Variants in PAK3 observed in about 807,000 individuals in gnomAD.
The protein encoded by PAK3 is p21 (RAC1) activated kinase 3, also known as serine/threonine-protein kinase PAK 3.
PAK3 carries 4 observed loss-of-function variants against 41.0 expected under a neutral mutation model. That is an observed-to-expected ratio of 0.10 (90% CI 0.05 to 0.22). PAK3 has a LOEUF of 0.22. Ranked by LOEUF, PAK3 falls within the 10% of genes least tolerant of loss-of-function variation. The pLI is 1.00. For missense variants in PAK3, 205 were observed against 409.9 expected (o/e 0.50, Z 4.32); for synonymous variants, 146 against 139.6 (o/e 1.05, Z -0.32).
At chrX:111,189,333 C>T (rs1273014872) in intron 11 of PAK3, among the ~76,000 whole-genome samples, 1 of 111,492 alleles carries the variant, frequency 9.0e-6, no homozygotes, top group Non-Finnish European at 1.9e-5. Context: ...ATTCATGGGC[C>T]CATAGGTTTT....
intron 5 of PAK3, among the ~76,000 whole-genome samples, chrX:111,133,907 T>C (rs1603285817): frequency 8.9e-6 from 1 of 112,081 alleles, no homozygotes; most frequent in Non-Finnish European, 1.9e-5. Context: ...GGAAAGCATT[T>C]CCCTATGTCT....
At chrX:111,013,146 A>T (rs2092036790) in intron 1 of PAK3, among the ~76,000 whole-genome samples, 1 of 112,248 alleles carries the variant, frequency 8.9e-6, no homozygotes, top group Non-Finnish European at 1.9e-5. Context: ...AAATATCTGT[A>T]TCAAGATACT....
At chrX:111,143,253 TATATG>T in intron 6 of PAK3, among the ~76,000 whole-genome samples, 1 of 111,488 alleles carries the variant, frequency 9.0e-6, no homozygotes, top group East Asian at 2.8e-4. Context: ...TAGACTGTGT[TATATG>T]ATTAAGCGGA....
intron 1 of PAK3, among the ~76,000 whole-genome samples, chrX:111,017,364 A>G (rs1260721781): frequency 1.8e-5 from 2 of 112,238 alleles, no homozygotes; most frequent in Non-Finnish European, 3.8e-5. Flanking sequence ...GACTAAGCAA[A>G]AAAAAGAGAA....
At chrX:111,070,596 A>G (rs2148822613) in intron 1 of PAK3, among the ~76,000 whole-genome samples, 1 of 112,019 alleles carries the variant, frequency 8.9e-6, no homozygotes, top group Non-Finnish European at 1.9e-5. Flanking sequence ...TCATCATTAT[A>G]CTTCATGAAT....
intron 1 of PAK3, among the ~76,000 whole-genome samples, chrX:111,068,600 C>A (rs953847283): frequency 8.9e-6 from 1 of 112,911 alleles, no homozygotes; most frequent in African/African-American, 3.2e-5. Context: ...CTGTGCCCGA[C>A]CCATGGGTCT....
At chrX:111,012,682 G>A (rs1199354469) in intron 1 of PAK3, among the ~76,000 whole-genome samples, 1 of 112,517 alleles carries the variant, frequency 8.9e-6, no homozygotes, top group Non-Finnish European at 1.9e-5. Flanking sequence ...CAAAAGTATT[G>A]CTGAATAGTG....
At chrX:111,022,652 A>C (rs1256010071) in intron 1 of PAK3, among the ~76,000 whole-genome samples, 1 of 111,698 alleles carries the variant, frequency 9.0e-6, no homozygotes, top group African/African-American at 3.3e-5. Context: ...TTCAGGCAAC[A>C]AATAACACAA....
intron 1 of PAK3, among the ~76,000 whole-genome samples, chrX:110,990,589 T>C (rs2091624859): frequency 1.8e-5 from 2 of 109,664 alleles, no homozygotes; most frequent in Admixed American, 1.9e-4. Flanking sequence ...TGGAGGGAGT[T>C]GCATTTAAAC....
At chrX:111,211,455 A>T (rs1292826381) in intron 16 of PAK3, among the ~76,000 whole-genome samples, 1 of 110,382 alleles carries the variant, frequency 9.1e-6, no homozygotes, top group Non-Finnish European at 1.9e-5. Context: ...AGGCAGGTGG[A>T]TCATGAGGTC....
chrX:111,174,562 A>G (rs1301937522), intron 11 of PAK3, among the ~76,000 whole-genome samples: 1 of 111,962 alleles, frequency 8.9e-6, no homozygotes, highest in Non-Finnish European at 1.9e-5. Flanking sequence ...CATTGTTCTA[A>G]AACAGTGATA....
chrX:111,226,879 T>C lies in PAK3; in HGVS notation c.*6432T>C, dbSNP rs2094955722. The C allele has an allele frequency of 8.9e-6, 1 of 112,280 alleles. No homozygotes were observed. The highest frequency in any genetic ancestry group is 9.5e-5 in the Admixed American group (1 of 10,573). The allele number at this position is 112,280 out of a possible 1,213,427, so 9.3% of individuals were successfully genotyped here. A position where few individuals can be genotyped will look rare whatever the true frequency, so the allele number is the denominator to read the frequency against. On this transcript the variant is annotated 3_prime_UTR_variant, in exon 18 of 18. Transcript: ENST00000372007. ...ACAGAATCCTGTAGCTACTAATGCATTGAGTTTTTAATCTCAGTACATCAG... is the reference window on the plus strand; with the variant it reads ...ACAGAATCCTGTAGCTACTAATGCACTGAGTTTTTAATCTCAGTACATCAG...
intron 8 of PAK3, among the ~76,000 whole-genome samples, chrX:111,157,372 T>G (rs1214568972): frequency 2.7e-5 from 3 of 111,677 alleles, no homozygotes; most frequent in African/African-American, 9.8e-5. Flanking sequence ...GTTCAGAACT[T>G]GGAGTTCATG....
At chrX:111,187,970 T>TAC (rs1218024338) in intron 11 of PAK3, among the ~76,000 whole-genome samples, 7 of 90,162 alleles carry the variant, frequency 7.8e-5, no homozygotes, top group Admixed American at 1.3e-4. Flanking sequence ...TATATATATA[T>TAC]ACACACATTA....
intron 1 of PAK3, among the ~76,000 whole-genome samples, chrX:111,050,677 G>A (rs746902504): frequency 1.4e-4 from 16 of 112,009 alleles, no homozygotes; most frequent in Admixed American, 1.9e-4. Flanking sequence ...GCTGTTGGCA[G>A]CAATCTCAGA....
Position 111,221,916 on chromosome X carries a change from G to A in PAK3, c.*1469G>A, listed in dbSNP as rs373439214. 1.8e-5 allele frequency: 2 copies of A among 111,881 alleles called. No homozygotes were observed. Among genetic ancestry groups the A allele is most frequent in the African/African-American group, 6.5e-5 (2 of 30,878 alleles). The allele number at this position is 111,881 out of a possible 1,213,427, so 9.2% of individuals were successfully genotyped here. The stretch of plus-strand genomic sequence containing the variant: ...GACAGAATTCCTTATATGACTTGGG[G>A]AAAATAACAAAATTTGACTACTATT... On this transcript the variant is annotated 3_prime_UTR_variant, in exon 18 of 18. Transcript: ENST00000372007.
In PAK3 at chrX:111,015,226, C is replaced by T. The variant is rs962081074; in HGVS notation, c.-28+70598C>T. On this transcript the variant is annotated intron_variant, in intron 1 of 14. Coordinates refer to the PAK3 transcript ENST00000425146. ...CTTCTTTTTTGTGACTGGCTTCTTT[C>T]ATTTATCATAATGTCCTCCAGGTTG... Among the ~76,000 whole-genome samples, 4 of 110,381 alleles carry T rather than the reference C, an allele frequency of 3.6e-5. No individual in the cohort carries two copies. In the South Asian group the frequency reaches 1.2e-3, roughly 32 times the overall value.
intron 1 of PAK3, among the ~76,000 whole-genome samples, chrX:111,078,250 GTTTTT>G (rs903606212): frequency 9.7e-6 from 1 of 102,702 alleles, no homozygotes; most frequent in African/African-American, 3.5e-5. Flanking sequence ...AGCTATCATA[GTTTTT>G]TTTTTGTTTT....
intron 11 of PAK3, among the ~76,000 whole-genome samples, chrX:111,190,287 T>C (rs917057990): frequency 9.0e-6 from 1 of 111,506 alleles, no homozygotes; most frequent in Non-Finnish European, 1.9e-5. Context: ...TTCCTGTACT[T>C]TAAAAGCAAG....
Sources: gnomAD v4.1 joint callset for allele counts (sites outside exome capture counted in the v4.1 genomes callset) on GRCh38, gnomAD v4.1.1 for gene constraint, MANE v1.5 for transcripts, NCBI Gene and HGNC (gene_info 2026-07-23, HGNC 2026-07-21) for gene names.